The following PEX5L variants were observed in gnomAD, a reference collection of about 807,000 sequenced individuals.
The protein encoded by PEX5L is peroxisomal biogenesis factor 5 like.
A neutral mutation model predicts 84.0 loss-of-function variants in PEX5L; 30 were observed. That is an observed-to-expected ratio of 0.36 (90% CI 0.27 to 0.48). PEX5L has a LOEUF of 0.48. PEX5L is among the 20% of genes least tolerant of loss of function. The pLI, the probability that PEX5L is intolerant of heterozygous loss-of-function variation, is 0.99. For missense variants in PEX5L, 533 were observed against 754.6 expected, an observed-to-expected ratio of 0.71 and a Z score of 3.44; for synonymous variants, 270 against 283.1, an observed-to-expected ratio of 0.95 and a Z score of 0.46.
rs1031183777 is a variant in PEX5L at position 179,796,145 on chromosome 3, T to C, written c.*5683A>G. On this transcript the variant is annotated 3_prime_UTR_variant, in exon 15 of 15. Transcript: ENST00000467460. ...TATACCTCTTAGTCTTTTTGTGTTA[T>C]ACCATTTCCCTTTCCAAGAAATCCA... 1.6e-4 allele frequency: 25 copies of C among 152,184 alleles called. No homozygotes were observed. The highest frequency in any genetic ancestry group is 1.3e-3 in the Admixed American group (20 of 15,270). The allele number at this position is 152,184 out of a possible 1,614,324, so 9.4% of individuals were successfully genotyped here.
At position 179,907,750 on chromosome 3, in the gene PEX5L, A is replaced by C. The variant is rs537853486; in HGVS notation, c.94-9504T>G. Among the ~76,000 whole-genome samples the C allele has an allele frequency of 2.9e-4, 44 of 152,306 alleles. No individual in the cohort carries two copies. The South Asian group carries it at 8.5e-3, about 29-fold the overall frequency. The stretch of plus-strand genomic sequence containing the variant: ...ATTTTTATTCCAGAGGAAGGCAATT[A>C]ACTAGTGAATTGGAATTCACCCCCT... On this transcript the variant is annotated intron_variant, in intron 2 of 14. Transcript: ENST00000467460.
intron 1 of PEX5L, among the ~76,000 whole-genome samples, chr3:179,972,028 T>C (rs1784887565): frequency 6.6e-6 from 1 of 152,248 alleles, no homozygotes; most frequent in African/African-American, 2.4e-5. Flanking sequence ...TGAAAGTTCA[T>C]TTAGCTTTAT....
intron 2 of PEX5L, among the ~76,000 whole-genome samples, chr3:179,962,403 T>C (rs1355243084): frequency 1.3e-5 from 2 of 152,212 alleles, no homozygotes; most frequent in African/African-American, 2.4e-5. Flanking sequence ...ACCTTTTTAC[T>C]CCAAGACTTG....
Position 179,991,085 on chromosome 3 carries a change from T to C in PEX5L, c.22-19420A>G, listed in dbSNP as rs565185797. Among the ~76,000 whole-genome samples the C allele has an allele frequency of 3.1e-3, 477 of 152,328 alleles. 4 individuals are homozygous for C. The highest frequency in any genetic ancestry group is 3.7e-3 in the Non-Finnish European group (251 of 68,032). ...ACTCCTTGCATTCTACATGTATTCCTGAGTGTAGCTGAAAACTCTGGAGAC... is the reference window on the plus strand; with the variant it reads ...ACTCCTTGCATTCTACATGTATTCCCGAGTGTAGCTGAAAACTCTGGAGAC... On this transcript the variant is annotated intron_variant, in intron 1 of 14. Transcript: ENST00000467460.
At chr3:179,935,334 T>G (rs1324308766) in intron 2 of PEX5L, among the ~76,000 whole-genome samples, 3 of 152,232 alleles carry the variant, frequency 2.0e-5, no homozygotes, top group Non-Finnish European at 2.9e-5. Context: ...TAGAAATGAC[T>G]GCATTGTGGG....
Position 179,887,916 on chromosome 3 carries a change from G to A in PEX5L, c.199-132C>T, listed in dbSNP as rs1164914011. ...TAAATAAATACATAAATAAATAATG[G>A]GGTGGGGGCAAGAAAGAAAAAATAT... On this transcript the variant is annotated intron_variant, in intron 3 of 14. Transcript: ENST00000467460. The A allele has an allele frequency of 8.7e-6, 6 of 691,468 alleles. No individual in the cohort carries two copies. The East Asian group carries it at 1.1e-4, about 13-fold the overall frequency. The allele number at this position is 691,468 out of a possible 1,614,324, so 42.8% of individuals were successfully genotyped here.
At chr3:179,939,737 T>C (rs1775548918) in intron 2 of PEX5L, among the ~76,000 whole-genome samples, 1 of 152,154 alleles carries the variant, frequency 6.6e-6, no homozygotes, top group South Asian at 2.1e-4. Context: ...ATAAAGAGGT[T>C]ACAGCTGTGC....
At chr3:179,910,342 C>G (rs554395541) in intron 2 of PEX5L, among the ~76,000 whole-genome samples, 52 of 152,296 alleles carry the variant, frequency 3.4e-4, no homozygotes, top group African/African-American at 1.2e-3. Context: ...CAGTTTTGAA[C>G]TGCTTGAAAA....
Position 179,815,932 on chromosome 3 carries a change from T to A in PEX5L, c.1012A>T (p.Lys338Ter). 6.2e-7 allele frequency: 1 copy of A among 1,614,164 alleles called. No individual in the cohort carries two copies. The highest frequency in any genetic ancestry group is 8.5e-7 in the Non-Finnish European group (1 of 1,179,988). Residue 338 changes from lysine to a stop codon, truncating the protein, a stop_gained, in exon 10 of 15, where the codon AAG (lysine) becomes TAG (stop). Transcript: ENST00000467460. LOFTEE classifies it high-confidence loss of function. ...ATGGTGACTGGCAGATCCCCTTCCT[T>A]CAGCCTTTTTAAGCCTTCTTCAAAT... ...GAFEEGLKRL[K>*]EGDLPVTILF...
intron 7 of PEX5L, among the ~76,000 whole-genome samples, chr3:179,868,885 G>A (rs892956395): frequency 1.1e-4 from 16 of 151,322 alleles, no homozygotes; most frequent in Admixed American, 1.0e-3. Context: ...CCTCACTGGG[G>A]GGTTGGGTCT....
chr3:180,026,839 T>C (rs1432511168), intron 1 of PEX5L, among the ~76,000 whole-genome samples: 1 of 152,198 alleles, frequency 6.6e-6, no homozygotes, highest in African/African-American at 2.4e-5. Flanking sequence ...CTGAACATGT[T>C]ACGGTGGACA....
At chr3:179,839,118 A>AT (rs1475659320) in intron 8 of PEX5L, among the ~76,000 whole-genome samples, 1 of 152,148 alleles carries the variant, frequency 6.6e-6, no homozygotes, top group South Asian at 2.1e-4. Context: ...AATGTTACTG[A>AT]TTTTCTTTTC....
chr3:179,941,882 G>A (rs1578745367), intron 2 of PEX5L, among the ~76,000 whole-genome samples: 1 of 151,864 alleles, frequency 6.6e-6, no homozygotes, highest in African/African-American at 2.4e-5. Flanking sequence ...CTAGCTAGGC[G>A]TGGTGGTGGG....
At chr3:179,889,173 T>C (rs79333003) in intron 3 of PEX5L, among the ~76,000 whole-genome samples, 1,605 of 152,260 alleles carry the variant, frequency 0.011, 34 homozygotes, top group African/African-American at 0.037. Context: ...AATCAAAATA[T>C]TTTATATTAC....
intron 5 of PEX5L, among the ~76,000 whole-genome samples, chr3:179,877,545 A>G (rs1393379401): frequency 6.6e-6 from 1 of 152,086 alleles, no homozygotes; most frequent in Non-Finnish European, 1.5e-5. Context: ...TGCAGCCTCA[A>G]TCTCTTGGGC....
At chr3:180,007,578 A>G (rs1050880084) in intron 1 of PEX5L, among the ~76,000 whole-genome samples, 3 of 152,330 alleles carry the variant, frequency 2.0e-5, no homozygotes, top group Admixed American at 6.5e-5. Flanking sequence ...ACACTGCCCT[A>G]GCAGAAGTTC....
At chr3:180,009,113 T>C (rs1789191505) in intron 1 of PEX5L, among the ~76,000 whole-genome samples, 1 of 152,186 alleles carries the variant, frequency 6.6e-6, no homozygotes, top group Non-Finnish European at 1.5e-5. Flanking sequence ...CTCATTGGAG[T>C]TTGACCTTCA....
At chr3:179,902,539 G>A (rs1301375824) in intron 2 of PEX5L, 2 of 293,998 alleles carry the variant, frequency 6.8e-6, no homozygotes, top group African/African-American at 4.4e-5. Context: ...AGTAACCTAA[G>A]TATTTCATAT....
chr3:179,846,355 T>A (rs2108384831), intron 8 of PEX5L, among the ~76,000 whole-genome samples: 1 of 152,310 alleles, frequency 6.6e-6, no homozygotes, highest in East Asian at 1.9e-4. Context: ...ACATTTCAAA[T>A]CTTCTAGCTA....
Sources: allele counts gnomAD v4.1 joint callset (sites outside exome capture counted in the v4.1 genomes callset), GRCh38; gene constraint gnomAD v4.1.1; transcripts MANE v1.5; gene names NCBI Gene and HGNC (gene_info 2026-07-23, HGNC 2026-07-21).